CYTH3: variants seen among roughly 807,000 people sequenced by gnomAD.
The protein encoded by CYTH3 is cytohesin-3.
CYTH3 carries 23 observed loss-of-function variants against 55.1 expected under a neutral mutation model. That is an observed-to-expected ratio of 0.42 (90% confidence interval 0.30 to 0.59). The LOEUF is 0.59. CYTH3 is among the 20% of genes least tolerant of loss of function. CYTH3 has a pLI of 0.20. For missense variants in CYTH3, 413 were observed against 524.8 expected (o/e 0.79, Z 2.08); for synonymous variants, 249 against 194.9 (o/e 1.28, Z -2.31).
chr7:6,267,875 C>A (rs1179272950), intron 1 of CYTH3, among the ~76,000 whole-genome samples: 1 of 152,150 alleles, frequency 6.6e-6, no homozygotes, highest in Non-Finnish European at 1.5e-5. Context: ...TGGGTATTTT[C>A]TTACCATCAT....
In CYTH3 at chr7:6,165,585, T is replaced by C; in HGVS notation, c.932A>G (p.Glu311Gly). The change falls in exon 11 of 13, where the codon GAA becomes GGA. Residue 311 changes from glutamate to glycine, a missense_variant. By Grantham distance (98) the Glu-to-Gly change is moderately conservative (BLOSUM62 -2). Around this residue, in one of 4 missense-constraint regions of CYTH3, gnomAD observed 7 missense variants for 28.4 expected, o/e 0.25. Coordinates refer to ENST00000350796, the MANE Select transcript of CYTH3 (RefSeq NM_004227.4). The part of the protein sequence containing the change: ...DKEPRGIIPL[E>G]NLSIREVEDP... The stretch of plus-strand genomic sequence containing the variant: ...CTCCACCTCCCTGATGCTGAGGTTT[T>C]CCAACGGGATGATTCCCCTGGGCTC... 1 of 1,614,102 alleles carries C rather than the reference T, an allele frequency of 6.2e-7. No homozygotes were observed.
chr7:6,191,765 T>G (rs1156540516), intron 1 of CYTH3, among the ~76,000 whole-genome samples: 4 of 152,096 alleles, frequency 2.6e-5, no homozygotes, highest in African/African-American at 9.7e-5. Flanking sequence ...AAAATATTAA[T>G]ACATTTAATT....
rs763032008 is a variant in CYTH3 at position 6,171,239 on chromosome 7, G to T, written c.525C>A (p.Arg175=). Residue 175 remains arginine (R), a synonymous_variant, in exon 7 of 13, where the codon CGC becomes CGA. Coordinates refer to ENST00000350796, the MANE Select transcript of CYTH3 (RefSeq NM_004227.4). This position sits in a 1 kb window ranked among gnomAD's most constrained non-coding sequence, Gnocchi z 6.7. ...AGACCCCGGGGTTGCACAGGCAGTA[G>T]CGAGAAGCGAAAGCCTCCATCATGC... The part of the protein sequence containing the change: ...IDRMMEAFAS[R]YCLCNPGVFQ... The T allele has an allele frequency of 2.3e-5, 37 of 1,614,178 alleles. No homozygotes were observed. The highest frequency in any genetic ancestry group is 3.1e-5 in the Non-Finnish European group (36 of 1,180,010).
intron 1 of CYTH3, among the ~76,000 whole-genome samples, chr7:6,198,075 C>A: frequency 8.6e-6 from 1 of 115,904 alleles, no homozygotes; most frequent in Admixed American, 1.1e-4. Flanking sequence ...ACCTGAGTAA[C>A]AGAGTGAGAC....
chr7:6,203,574 C>A (rs1437549512), intron 1 of CYTH3, among the ~76,000 whole-genome samples: 1 of 152,190 alleles, frequency 6.6e-6, no homozygotes, highest in Admixed American at 6.5e-5. Flanking sequence ...TCTTTAAGAA[C>A]TGCTGTGTCA....
Position 6,170,752 on chromosome 7 carries a change from T to C in CYTH3, c.711+78A>G, listed in dbSNP as rs887129193. On this transcript the variant is annotated intron_variant, in intron 8 of 12. Coordinates refer to ENST00000350796, the MANE Select transcript of CYTH3 (RefSeq NM_004227.4). This position sits in a 1 kb window ranked among gnomAD's most constrained non-coding sequence, Gnocchi z 7.8. The stretch of plus-strand genomic sequence containing the variant: ...GCGGCAAGGAGGCTTGGGAGGCGTG[T>C]CTAGAGCCGCGGGCGCTGCGGCCGC... The C allele has an allele frequency of 3.2e-6, 5 of 1,568,832 alleles. No individual in the cohort carries two copies. The highest frequency in any genetic ancestry group is 4.3e-6 in the Non-Finnish European group (5 of 1,156,302).
chr7:6,193,955 C>G lies in CYTH3; in HGVS notation c.35-3424G>C, dbSNP rs1432778547. 2.6e-5 allele frequency among the ~76,000 whole-genome samples: 4 copies of G among 152,156 alleles called. No homozygotes were observed. The South Asian group carries it at 8.3e-4, about 32-fold the overall frequency. On this transcript the variant is annotated intron_variant, in intron 1 of 12. Coordinates refer to ENST00000350796, the MANE Select transcript of CYTH3 (RefSeq NM_004227.4). ...CACCCTGGACAGAGGCTGGGACAAGCGTCTTCTCTGAAGCATCCCACAGGC... is the reference window on the plus strand; with the variant it reads ...CACCCTGGACAGAGGCTGGGACAAGGGTCTTCTCTGAAGCATCCCACAGGC...
intron 1 of CYTH3, 109 bp downstream of exon 1, chr7:6,272,365 C>A: frequency 9.2e-7 from 1 of 1,088,752 alleles, no homozygotes; most frequent in South Asian, 3.3e-5. Context: ...CCGCTGCCCC[C>A]GACCCCGTCT....
intron 1 of CYTH3, among the ~76,000 whole-genome samples, chr7:6,213,616 A>AC (rs906730116): frequency 6.6e-6 from 1 of 151,410 alleles, no homozygotes; most frequent in Non-Finnish European, 1.5e-5. Context: ...TTGGCCTTCA[A>AC]CCCCCAGGGG....
rs990939077 is a variant in CYTH3 at position 6,167,542 on chromosome 7, C to T, written c.824-1732G>A. ...GTGCCAGCTGCCATCCCCCAAACAG[C>T]GGCCAAAGGCATCTTTTCAAAAACG... On this transcript the variant is annotated intron_variant, in intron 9 of 12. Transcript: ENST00000350796. This position sits in a 1 kb window ranked among gnomAD's most constrained non-coding sequence, Gnocchi z 5.5. Among the ~76,000 whole-genome samples the T allele has an allele frequency of 1.3e-5, 2 of 152,260 alleles. No homozygotes were observed. The highest frequency in any genetic ancestry group is 2.4e-5 in the African/African-American group (1 of 41,476).
chr7:6,229,929 G>A (rs758252470), intron 1 of CYTH3, among the ~76,000 whole-genome samples: 3 of 152,088 alleles, frequency 2.0e-5, no homozygotes, highest in Non-Finnish European at 4.4e-5. Context: ...GAGGTCTGGA[G>A]TTCGAGACCA....
At chr7:6,240,861 A>G (rs1307244121) in intron 1 of CYTH3, among the ~76,000 whole-genome samples, 1 of 152,186 alleles carries the variant, frequency 6.6e-6, no homozygotes, top group South Asian at 2.1e-4. Context: ...CGCGCCTGTA[A>G]TCCCAGCACT....
chr7:6,171,100 A>G lies in CYTH3; in HGVS notation c.562+102T>C. The G allele has an allele frequency of 6.3e-7, 1 of 1,582,838 alleles. No individual in the cohort carries two copies. Among genetic ancestry groups the G allele is most frequent in the Non-Finnish European group, 8.6e-7 (1 of 1,156,188 alleles). On this transcript the variant is annotated intron_variant, in intron 7 of 12. Coordinates refer to ENST00000350796, the MANE Select transcript of CYTH3 (RefSeq NM_004227.4). This position sits in a 1 kb window ranked among gnomAD's most constrained non-coding sequence, Gnocchi z 6.7. Reference sequence around the variant, plus strand: ...CAGGTCGTCCTCGCTCAGGGAAGGCAGGTCCCCAGGAACACACGCTGGGCT... The same window carrying G: ...CAGGTCGTCCTCGCTCAGGGAAGGCGGGTCCCCAGGAACACACGCTGGGCT...
At chr7:6,187,238 C>T (rs989196869) in intron 3 of CYTH3, 122 bp from the exon 4 acceptor site, 5 of 1,041,252 alleles carry the variant, frequency 4.8e-6, no homozygotes, top group East Asian at 2.4e-5. Context: ...CAGGCCCTCA[C>T]GGAGGGGCCC....
chr7:6,179,676 C>CCCA (rs1783433777), intron 4 of CYTH3, among the ~76,000 whole-genome samples: 1 of 95,120 alleles, frequency 1.1e-5, no homozygotes, highest in Non-Finnish European at 2.0e-5. Context: ...CACACACACA[C>CCCA]CACACACACC....
At position 6,162,257 on chromosome 7, in the gene CYTH3, C is replaced by A. The variant is rs1583717683; in HGVS notation, c.*2687G>T. 6.6e-6 allele frequency: 1 copy of A among 152,294 alleles called. No individual in the cohort carries two copies. The highest frequency in any genetic ancestry group is 1.5e-5 in the Non-Finnish European group (1 of 68,052). 9.4% of individuals were successfully genotyped at this position (152,294 alleles called of 1,614,324 possible). ...GGTCCAGGGTCAGTACAATTAAACT[C>A]AAATATGAACCAGGGCGGCCAGCAA... On this transcript the variant is annotated 3_prime_UTR_variant, in exon 13 of 13. Transcript: ENST00000350796.
chr7:6,182,889 T>C (rs1387397657), intron 4 of CYTH3, among the ~76,000 whole-genome samples: 1 of 152,200 alleles, frequency 6.6e-6, no homozygotes, highest in African/African-American at 2.4e-5. Flanking sequence ...ATGGTGCTGG[T>C]TTCCTCAAAC....
At position 6,169,695 on chromosome 7, in the gene CYTH3, C is replaced by T. The variant is rs1358855497; in HGVS notation, c.823+840G>A. Among the ~76,000 whole-genome samples, 1 of 152,126 alleles carries T rather than the reference C, an allele frequency of 6.6e-6. No individual in the cohort carries two copies. The highest frequency in any genetic ancestry group is 1.5e-5 in the Non-Finnish European group (1 of 68,020). ...ACCCCTCAGCATTTCTAAAACTGCC[C>T]GTAATTGCCCTAAATTGCTCCAAAG... On this transcript the variant is annotated intron_variant, in intron 9 of 12. Coordinates refer to ENST00000350796, the MANE Select transcript of CYTH3 (RefSeq NM_004227.4). This position sits in a 1 kb window ranked among gnomAD's most constrained non-coding sequence, Gnocchi z 4.1.
chr7:6,245,304 T>G (rs1036286624), intron 1 of CYTH3, among the ~76,000 whole-genome samples: 4 of 152,070 alleles, frequency 2.6e-5, no homozygotes, highest in African/African-American at 9.7e-5. Context: ...TCTTTTTCAT[T>G]CTAAATTTTC....
Sources: gnomAD v4.1 joint callset for allele counts (sites outside exome capture counted in the v4.1 genomes callset) on GRCh38, gnomAD v4.1.1 for gene constraint, gnomAD v4.1.1 regional missense constraint, Gnocchi (gnomAD v3.1) non-coding constraint, MANE v1.5 for transcripts, NCBI Gene and HGNC (gene_info 2026-07-23, HGNC 2026-07-21) for gene names.